Variants in RGL3 observed in about 807,000 individuals in gnomAD.
RGL3 encodes the protein ral guanine nucleotide dissociation stimulator like 3.
Under a neutral mutation model 90.6 loss-of-function variants are expected in RGL3, and 85 were observed. The observed-to-expected ratio is 0.94, with a 90% CI of 0.79 to 1.12. The LOEUF (loss-of-function observed/expected upper bound fraction) is 1.12. Among genes scored for constraint, RGL3 ranks in the 50% most tolerant of loss-of-function variants. The pLI is 0.00. For synonymous variants in RGL3, 408 were observed against 385.5 expected (o/e 1.06, Z -0.68); for missense variants, 1,034 against 939.2 (o/e 1.10, Z -1.32).
chr19:11,397,680 C>G (rs540668747), intron 16 of RGL3, 83 bp from the exon 17 acceptor site: 69 of 1,322,108 alleles, frequency 5.2e-5, no homozygotes, highest in Admixed American at 1.1e-4. Flanking sequence ...CCCCAGCCAC[C>G]ACTGGTGCAT....
chr19:11,394,370 G>A lies in RGL3; in HGVS notation c.*32C>T. ...AGAAGAGTCGCAAGCTTGCCTGTGG[G>A]ACTTGTGTCTTGTGGAGAGGACAGG... On this transcript the variant is annotated 3_prime_UTR_variant, in exon 19 of 19. Transcript: ENST00000380456. 6.5e-7 allele frequency: 1 copy of A among 1,530,584 alleles called. No homozygotes were observed. Among genetic ancestry groups the A allele is most frequent in the African/African-American group, 1.4e-5 (1 of 73,338 alleles). The allele number at this position is 1,530,584 out of a possible 1,614,324, so 94.8% of individuals were successfully genotyped here. A position where few individuals can be genotyped will look rare whatever the true frequency, so the allele number is the denominator to read the frequency against.
chr19:11,416,706 C>G (rs1257764653), intron 3 of RGL3, 39 bp from the exon 4 acceptor site: 1 of 1,606,856 alleles, frequency 6.2e-7, no homozygotes, highest in Non-Finnish European at 8.5e-7. Context: ...AAGGGGGAAC[C>G]TAGAGGGGGC....
At position 11,394,964 on chromosome 19, in the gene RGL3, A is replaced by G. The variant is rs144729953; in HGVS notation, c.2015-444T>C. ...AAAAATGAGCTAGGCATGGTGGCAC[A>G]TGCCTGTAATCCCAGCTACTCGGAA... On this transcript the variant is annotated intron_variant, in intron 18 of 18. Transcript: ENST00000380456. Among the ~76,000 whole-genome samples, 1,047 of 151,860 alleles carry G rather than the reference A, an allele frequency of 6.9e-3. 12 individuals carry two copies. Among genetic ancestry groups the G allele is most frequent in the African/African-American group, 0.023 (964 of 41,406 alleles).
chr19:11,405,075 C>T (rs1170073390), intron 9 of RGL3, 72 bp downstream of exon 9: 10 of 1,212,388 alleles, frequency 8.2e-6, no homozygotes, highest in Middle Eastern at 3.8e-4. Context: ...AGGGAGATTA[C>T]CCCTGCCTGG....
At chr19:11,412,799 T>C (rs1968895899) in intron 5 of RGL3, among the ~76,000 whole-genome samples, 1 of 151,828 alleles carries the variant, frequency 6.6e-6, no homozygotes, top group Non-Finnish European at 1.5e-5. Context: ...ACCCCGTCTC[T>C]ACTAAAACTA....
At chr19:11,416,212 G>T in intron 4 of RGL3, 64 bp from the exon 5 acceptor site, 1 of 1,030,782 alleles carries the variant, frequency 9.7e-7, no homozygotes, top group Non-Finnish European at 1.3e-6. Flanking sequence ...ATGACTCCTG[G>T]TACCTTTTTT....
intron 5 of RGL3, 123 bp from the exon 6 acceptor site, chr19:11,406,987 T>TA (rs1397634250): frequency 8.8e-6 from 9 of 1,020,960 alleles, no homozygotes; most frequent in Non-Finnish European, 1.2e-5. Context: ...AGAGCTCTCT[T>TA]AAATTTTTTT....
chr19:11,395,034 G>A lies in RGL3; in HGVS notation c.2015-514C>T, dbSNP rs566041816. On this transcript the variant is annotated intron_variant, in intron 18 of 18. Coordinates refer to ENST00000380456, the MANE Select transcript of RGL3 (RefSeq NM_001035223.4). ...CTTGAACCCAGGAGGTGGATGTTGC[G>A]GTGAGCCGAGATCCTGCCATTGCAC... Among the ~76,000 whole-genome samples, 247 of 151,338 alleles carry A rather than the reference G, an allele frequency of 1.6e-3. 8 individuals are homozygous for A. Among genetic ancestry groups the A allele is most frequent in the Admixed American group, 2.2e-3 (33 of 15,162 alleles).
At chr19:11,395,988 C>T (rs921206228) in intron 18 of RGL3, among the ~76,000 whole-genome samples, 44 of 142,100 alleles carry the variant, frequency 3.1e-4, no homozygotes, top group Non-Finnish European at 5.4e-4. Flanking sequence ...AGTGCAGTGG[C>T]GTGATCTCAG....
At chr19:11,402,359 C>A in intron 11 of RGL3, 96 bp downstream of exon 11, 1 of 1,572,288 alleles carries the variant, frequency 6.4e-7, no homozygotes, top group South Asian at 1.1e-5. Context: ...GGGGTGGTGT[C>A]AGGAGTACAG....
At chr19:11,407,514 G>A (rs1438508516) in intron 5 of RGL3, among the ~76,000 whole-genome samples, 1 of 152,038 alleles carries the variant, frequency 6.6e-6, no homozygotes, top group Non-Finnish European at 1.5e-5. Flanking sequence ...GAAGAAAATA[G>A]AGCTTTATGA....
intron 5 of RGL3, among the ~76,000 whole-genome samples, chr19:11,414,998 C>A (rs1405499124): frequency 6.6e-6 from 1 of 151,806 alleles, no homozygotes; most frequent in African/African-American, 2.4e-5. Flanking sequence ...GGCGTGGTGA[C>A]ATGCGCCTGT....
rs760190856 is a variant in RGL3, at chr19:11,418,807, G to A, written c.34-23C>T. The A allele has an allele frequency of 6.6e-6, 10 of 1,525,018 alleles. No homozygotes were observed. In the Admixed American group the frequency reaches 1.8e-4, roughly 28 times the overall value. The allele number at this position is 1,525,018 out of a possible 1,614,324, so 94.5% of individuals were successfully genotyped here. On this transcript the variant is annotated intron_variant, in intron 1 of 18. Transcript: ENST00000380456. ...TGCCTGGACGCACAGGCGGACTCAG[G>A]GCACCAAAGGGGCACAGGTCCTGGG...
At chr19:11,413,783 A>G (rs1041176892) in intron 5 of RGL3, among the ~76,000 whole-genome samples, 27 of 146,702 alleles carry the variant, frequency 1.8e-4, no homozygotes, top group African/African-American at 6.2e-4. Flanking sequence ...TCGCTCTGTC[A>G]CCCAGGCTGG....
At chr19:11,416,414 G>T (rs1226725751) in intron 4 of RGL3, 200 bp downstream of exon 4, 5 of 655,536 alleles carry the variant, frequency 7.6e-6, no homozygotes, top group African/African-American at 1.8e-5. Flanking sequence ...GGCCAGGATG[G>T]TCTCTAACTC....
chr19:11,400,325 G>C, intron 13 of RGL3, 28 bp from the exon 14 acceptor site: 3 of 1,536,576 alleles, frequency 2.0e-6, no homozygotes, highest in Non-Finnish European at 2.6e-6. Flanking sequence ...GGATGAGGTG[G>C]TGGGGGCAGG....
chr19:11,399,788 C>T (rs1968639129), intron 16 of RGL3, 67 bp downstream of exon 16: 2 of 877,034 alleles, frequency 2.3e-6, no homozygotes, highest in Non-Finnish European at 3.5e-6. Flanking sequence ...TGCATGCACA[C>T]ACACGTGCAC....
Position 11,405,494 on chromosome 19 carries a change from C to CTT in RGL3, c.997-70_997-69dup, listed in dbSNP as rs771398199. 476 of 163,802 alleles carry CTT rather than the reference C, an allele frequency of 2.9e-3. 29 individuals are homozygous for CTT. Among genetic ancestry groups the CTT allele is most frequent in the South Asian group, 3.6e-3 (75 of 20,978 alleles). The allele number at this position is 163,802 out of a possible 1,614,324, so 10.1% of individuals were successfully genotyped here. On this transcript the variant is annotated intron_variant, in intron 7 of 18. Coordinates refer to ENST00000380456, the MANE Select transcript of RGL3 (RefSeq NM_001035223.4). ...ACCTTTCATCCTGAAACTTCTTCAT[C>CTT]TTTTTTTTTTTTTTTTTTTTTTTTT...
At position 11,402,448 on chromosome 19, in the gene RGL3, G is replaced by T; in HGVS notation, c.1329+7C>A. ...TGGGGTCAGGGGTCAAGGGTCAGGG[G>T]TCAGACCTCCAACATATCCGGCAGG... On this transcript the variant is annotated splice_region_variant and intron_variant, in intron 11 of 18. Transcript: ENST00000380456. The T allele has an allele frequency of 6.3e-7, 1 of 1,598,404 alleles. No individual in the cohort carries two copies. The highest frequency in any genetic ancestry group is 8.5e-7 in the Non-Finnish European group (1 of 1,173,160).
Sources: gnomAD v4.1 joint callset for allele counts (sites outside exome capture counted in the v4.1 genomes callset) on GRCh38, gnomAD v4.1.1 for gene constraint, MANE v1.5 for transcripts, NCBI Gene and HGNC (gene_info 2026-07-23, HGNC 2026-07-21) for gene names.